Variants in DNAH9 observed in about 807,000 individuals in gnomAD.
DNAH9 encodes DNAH9 variant protein.
Under a neutral mutation model 471.6 loss-of-function variants are expected in DNAH9, and 345 were observed. That is an observed-to-expected ratio of 0.73 (90% CI 0.67 to 0.80). The LOEUF (loss-of-function observed/expected upper bound fraction) is 0.80. Among genes scored for constraint, DNAH9 ranks in the 30% least tolerant of loss-of-function variants. DNAH9 has a pLI of 0.00. For synonymous variants in DNAH9, 2,093 were observed against 2,123.6 expected (o/e 0.99, Z 0.40); for missense variants, 5,407 against 5,609.2 (o/e 0.96, Z 1.15).
chr17:11,825,733 T>C (rs1970466604), intron 48 of DNAH9, among the ~76,000 whole-genome samples: 1 of 152,198 alleles, frequency 6.6e-6, no homozygotes, highest in African/African-American at 2.4e-5. Context: ...ATGGAAGCTT[T>C]ATGCACACAC....
At chr17:11,714,877 A>G (rs2150794689) in intron 26 of DNAH9, among the ~76,000 whole-genome samples, 1 of 152,246 alleles carries the variant, frequency 6.6e-6, no homozygotes, top group Admixed American at 6.5e-5. Flanking sequence ...CAAGAACCTG[A>G]ATGAGCTTGG....
intron 50 of DNAH9, among the ~76,000 whole-genome samples, chr17:11,868,416 G>T (rs145430888): frequency 6.3e-4 from 96 of 152,230 alleles, no homozygotes; most frequent in Middle Eastern, 3.4e-3. Context: ...GTAAAAATAT[G>T]TACTCAGAGG....
At chr17:11,808,046 A>G in intron 44 of DNAH9, 152 bp downstream of exon 44, 1 of 970,268 alleles carries the variant, frequency 1.0e-6, no homozygotes, top group Non-Finnish European at 1.5e-6. Flanking sequence ...TGGTGATGTG[A>G]ATGACTTCTC....
intron 4 of DNAH9, among the ~76,000 whole-genome samples, chr17:11,614,876 C>T (rs1362886870): frequency 1.3e-5 from 2 of 152,200 alleles, no homozygotes; most frequent in Non-Finnish European, 2.9e-5. Flanking sequence ...CTCTTAAAGG[C>T]ACCAACTCTT....
intron 17 of DNAH9, among the ~76,000 whole-genome samples, chr17:11,672,111 C>T (rs1430130695): frequency 6.6e-6 from 1 of 152,178 alleles, no homozygotes; most frequent in African/African-American, 2.4e-5. Context: ...TTCCACCTTT[C>T]CTTAATAGGT....
chr17:11,772,901 G>C (rs928022094), intron 38 of DNAH9, among the ~76,000 whole-genome samples: 1 of 152,204 alleles, frequency 6.6e-6, no homozygotes, highest in Non-Finnish European at 1.5e-5. Flanking sequence ...GAAAAATGCT[G>C]TATTCCCTTA....
At chr17:11,744,423 G>T (rs1355843377) in intron 30 of DNAH9, among the ~76,000 whole-genome samples, 1 of 152,128 alleles carries the variant, frequency 6.6e-6, no homozygotes, top group African/African-American at 2.4e-5. Context: ...CTCCAAGGTG[G>T]CACATGTAAG....
rs367623958 is a variant in DNAH9, at chr17:11,937,696, G to A, written c.12660+174G>A. ...CACCGCCAAGAGCCTCTCCCCTCCC[G>A]TCATCACCATGCTGGCCATCAGTTA... On this transcript the variant is annotated intron_variant, in intron 66 of 68. Coordinates refer to ENST00000262442, the MANE Select transcript of DNAH9 (RefSeq NM_001372.4). The surrounding 1 kb of genome is among the most constrained non-coding windows in gnomAD (Gnocchi z 4.1). Among the ~76,000 whole-genome samples, 22 of 152,214 alleles carry A rather than the reference G, an allele frequency of 1.4e-4. No individual in the cohort carries two copies. In the South Asian group the frequency reaches 2.3e-3, roughly 16 times the overall value.
chr17:11,886,602 G>A (rs1367519352), intron 56 of DNAH9, among the ~76,000 whole-genome samples: 3 of 150,452 alleles, frequency 2.0e-5, no homozygotes, highest in African/African-American at 7.3e-5. Context: ...TGGAAGAGCT[G>A]ACACCTCACC....
At position 11,870,715 on chromosome 17, in the gene DNAH9, C is replaced by T. The variant is rs532922010; in HGVS notation, c.10054-883C>T. ...CTCCCTGCTTGGTTTCTGAACTTAG[C>T]GCAGCCTTCTCTGCCTGGCTGGAGC... On this transcript the variant is annotated intron_variant, in intron 51 of 68. Transcript: ENST00000262442. Among the ~76,000 whole-genome samples, 205 of 152,258 alleles carry T rather than the reference C, an allele frequency of 1.3e-3. 1 individual carries two copies. The highest frequency in any genetic ancestry group is 6.8e-3 in the Middle Eastern group (2 of 294).
rs772284631 is a variant in DNAH9, at chr17:11,937,303, G to A, written c.12490-49G>A. ...AGAGGACAAGCCGGTGTGGGAGATG[G>A]GAGGTACGTCCTGGTTTCTTTTTAA... On this transcript the variant is annotated intron_variant, in intron 65 of 68. Coordinates refer to ENST00000262442, the MANE Select transcript of DNAH9 (RefSeq NM_001372.4). This position sits in a 1 kb window ranked among gnomAD's most constrained non-coding sequence, Gnocchi z 4.1. The A allele has an allele frequency of 5.0e-5, 78 of 1,557,334 alleles. No homozygotes were observed. Among genetic ancestry groups the A allele is most frequent in the Non-Finnish European group, 6.8e-5 (78 of 1,148,044 alleles).
chr17:11,873,947 TA>T (rs533223053), intron 52 of DNAH9, among the ~76,000 whole-genome samples: 1 of 151,896 alleles, frequency 6.6e-6, no homozygotes. Context: ...AGATTGCCTG[TA>T]AAAAAAATTA....
At chr17:11,632,462 T>G in intron 7 of DNAH9, 125 bp from the exon 8 acceptor site, 1 of 618,420 alleles carries the variant, frequency 1.6e-6, no homozygotes, top group Admixed American at 2.4e-5. Flanking sequence ...CCATGGTGAA[T>G]TTCAGAAAAT....
chr17:11,773,669 C>T (rs1968307248), intron 38 of DNAH9, among the ~76,000 whole-genome samples: 1 of 152,200 alleles, frequency 6.6e-6, no homozygotes, highest in Admixed American at 6.5e-5. Context: ...TGACTGGGTG[C>T]TGAGGGTGGA....
chr17:11,891,052 ATTTAC>A (rs756748797), intron 57 of DNAH9, among the ~76,000 whole-genome samples: 5 of 152,118 alleles, frequency 3.3e-5, no homozygotes, highest in Non-Finnish European at 7.4e-5. Context: ...CATTCCAAAT[ATTTAC>A]TTTTTTAAAT....
At chr17:11,881,467 C>G (rs1972719967) in intron 55 of DNAH9, 54 bp downstream of exon 55, 9 of 1,546,780 alleles carry the variant, frequency 5.8e-6, no homozygotes, top group Non-Finnish European at 7.9e-6. Flanking sequence ...GTGTACTCCA[C>G]TCTGGGAGAG....
rs61736722 is a variant in DNAH9 at position 11,617,435 on chromosome 17, A to G, written c.929A>G (p.His310Arg). ...GCTCTAGCAGAGGCACAGGACATCC[A>G]TGTGCACCTGATACCGCTCCAGCGC... is the stretch of plus-strand genomic sequence containing the variant. Reference protein sequence around the residue: ...VAALAEAQDIHVHLIPLQRHL... With the variant: ...VAALAEAQDIRVHLIPLQRHL... The change falls in exon 5 of 69, where the codon CAT (histidine) becomes CGT (arginine). Residue 310 changes from histidine (H) to arginine (R), a missense_variant. His to Arg is a conservative substitution (Grantham distance 29, BLOSUM62 0). This residue lies in a region of DNAH9 where 767 missense variants were observed against 692.5 expected (regional missense o/e 1.11). Transcript: ENST00000262442. 43 of 1,613,532 alleles carry G rather than the reference A, an allele frequency of 2.7e-5. No individual in the cohort carries two copies. The highest frequency in any genetic ancestry group is 2.4e-4 in the African/African-American group (18 of 75,016).
intron 49 of DNAH9, among the ~76,000 whole-genome samples, chr17:11,841,351 AG>A: frequency 6.6e-6 from 1 of 152,316 alleles, no homozygotes. Flanking sequence ...AGTGTTTAAA[AG>A]GAAAGGAGCA....
At chr17:11,625,245 T>G (rs1314233920) in intron 6 of DNAH9, among the ~76,000 whole-genome samples, 9 of 152,218 alleles carry the variant, frequency 5.9e-5, no homozygotes, top group Admixed American at 5.9e-4. Context: ...AAAGCTGTGA[T>G]TCATTTGGAG....
Sources: allele counts gnomAD v4.1 joint callset (sites outside exome capture counted in the v4.1 genomes callset), GRCh38; gene constraint gnomAD v4.1.1; regional missense constraint gnomAD v4.1.1; non-coding constraint Gnocchi (gnomAD v3.1); transcripts MANE v1.5; gene names NCBI Gene and HGNC (gene_info 2026-07-23, HGNC 2026-07-21).